The following CNTNAP2 variants were observed in gnomAD, a reference collection of about 807,000 sequenced individuals.
CNTNAP2 encodes contactin-associated protein-like 2.
CNTNAP2 carries 98 observed loss-of-function variants against 155.2 expected under a neutral mutation model. The observed-to-expected ratio is 0.63, with a 90% CI of 0.54 to 0.75. The LOEUF (loss-of-function observed/expected upper bound fraction) is 0.75, where lower values mean the gene tolerates loss of function less well. Among genes scored for constraint, CNTNAP2 ranks in the 30% least tolerant of loss-of-function variants. The pLI is 0.00. For missense variants in CNTNAP2, 1,727 were observed against 1,688.1 expected (o/e 1.02, Z -0.40); for synonymous variants, 651 against 631.2 (o/e 1.03, Z -0.47).
intron 8 of CNTNAP2, among the ~76,000 whole-genome samples, chr7:147,233,121 A>G (rs1487825483): frequency 6.6e-6 from 1 of 152,216 alleles, no homozygotes; most frequent in Non-Finnish European, 1.5e-5. Context: ...TTTAGTTAGC[A>G]TGGTGTCTTT....
intron 13 of CNTNAP2, among the ~76,000 whole-genome samples, chr7:147,871,791 T>C (rs559266596): frequency 6.6e-6 from 1 of 152,124 alleles, no homozygotes; most frequent in East Asian, 1.9e-4. Context: ...CGTGGCCGAA[T>C]AGTTCGGGAA....
intron 4 of CNTNAP2, chr7:147,083,260 G>GA (rs909867805): frequency 6.6e-6 from 1 of 151,952 alleles, no homozygotes; most frequent in African/African-American, 2.4e-5. Flanking sequence ...CAACAAAGAG[G>GA]AAATGGATGT....
At chr7:147,058,742 G>T (rs1368542391) in intron 4 of CNTNAP2, among the ~76,000 whole-genome samples, 6 of 152,170 alleles carry the variant, frequency 3.9e-5, no homozygotes, top group Admixed American at 3.9e-4. Context: ...AAGTAGCTGG[G>T]ACTACAGATG....
At chr7:147,364,559 A>G (rs1253502984) in intron 9 of CNTNAP2, among the ~76,000 whole-genome samples, 1 of 152,214 alleles carries the variant, frequency 6.6e-6, no homozygotes, top group Non-Finnish European at 1.5e-5. Context: ...ATGTTAATGG[A>G]AGACAAGGCT....
At chr7:147,629,194 G>C (rs1000011979) in intron 12 of CNTNAP2, among the ~76,000 whole-genome samples, 18 of 152,028 alleles carry the variant, frequency 1.2e-4, no homozygotes, top group Admixed American at 4.6e-4. Context: ...CTGAGGTTAG[G>C]AGTTCAAGAA....
chr7:148,366,825 CA>C (rs753228339), intron 21 of CNTNAP2, among the ~76,000 whole-genome samples: 189 of 146,056 alleles, frequency 1.3e-3, no homozygotes, highest in African/African-American at 4.0e-3. Context: ...AAAATGACCC[CA>C]AAAAAAAAAG....
At chr7:146,562,708 A>G (rs1798298526) in intron 1 of CNTNAP2, among the ~76,000 whole-genome samples, 1 of 152,196 alleles carries the variant, frequency 6.6e-6, no homozygotes, top group Non-Finnish European at 1.5e-5. Flanking sequence ...TTTTATGATA[A>G]TGAAACAAAA....
chr7:146,470,214 A>G (rs1311503422), intron 1 of CNTNAP2, among the ~76,000 whole-genome samples: 2 of 152,052 alleles, frequency 1.3e-5, no homozygotes, highest in African/African-American at 4.8e-5. Flanking sequence ...TGTAAACATC[A>G]TGTTTTATTT....
intron 1 of CNTNAP2, among the ~76,000 whole-genome samples, chr7:146,732,542 A>G (rs1196631031): frequency 2.6e-5 from 4 of 152,122 alleles, no homozygotes; most frequent in Non-Finnish European, 4.4e-5. Flanking sequence ...AAGAAGAGAG[A>G]TAACTTCAAT....
chr7:146,717,907 CG>C (rs1563201662), intron 1 of CNTNAP2, among the ~76,000 whole-genome samples: 3 of 151,452 alleles, frequency 2.0e-5, no homozygotes, highest in African/African-American at 7.3e-5. Context: ...CAAAGTCACA[CG>C]GATGACCAAT....
chr7:147,347,493 C>CAT (rs1311432350), intron 9 of CNTNAP2, among the ~76,000 whole-genome samples: 3 of 82,878 alleles, frequency 3.6e-5, no homozygotes, highest in South Asian at 4.0e-4. Flanking sequence ...TATATATATG[C>CAT]ATATATATGT....
chr7:147,613,917 G>A (rs1801235491), intron 12 of CNTNAP2, among the ~76,000 whole-genome samples: 1 of 152,142 alleles, frequency 6.6e-6, no homozygotes, highest in Non-Finnish European at 1.5e-5. Flanking sequence ...GTTTCATTAG[G>A]CCTTGAATCC....
At chr7:146,232,189 G>A (rs1314379523) in intron 1 of CNTNAP2, among the ~76,000 whole-genome samples, 1 of 151,898 alleles carries the variant, frequency 6.6e-6, no homozygotes, top group Admixed American at 6.6e-5. Flanking sequence ...CAGGGGCAAA[G>A]CTCAAAATAA....
intron 1 of CNTNAP2, among the ~76,000 whole-genome samples, chr7:146,766,679 TG>T (rs1351773306): frequency 3.3e-5 from 5 of 152,188 alleles, no homozygotes; most frequent in Non-Finnish European, 7.3e-5. Flanking sequence ...CTCAATGAGA[TG>T]ACCCACTCAA....
intron 13 of CNTNAP2, among the ~76,000 whole-genome samples, chr7:147,893,868 C>T (rs1016304932): frequency 6.6e-6 from 1 of 152,296 alleles, no homozygotes; most frequent in South Asian, 2.1e-4. Flanking sequence ...AGCCAGAGAA[C>T]TTTAGGACTA....
chr7:146,229,441 C>T (rs906645229), intron 1 of CNTNAP2, among the ~76,000 whole-genome samples: 8 of 152,204 alleles, frequency 5.3e-5, no homozygotes, highest in Admixed American at 2.0e-4. Flanking sequence ...TGTAATCTCT[C>T]TGCTCCAGGT....
chr7:146,463,506 G>A (rs1185887996), intron 1 of CNTNAP2, among the ~76,000 whole-genome samples: 1 of 151,826 alleles, frequency 6.6e-6, no homozygotes, highest in Admixed American at 6.6e-5. Flanking sequence ...TCTTAAATGT[G>A]ATTGTGACAA....
At chr7:147,541,736 G>A (rs979739646) in intron 11 of CNTNAP2, among the ~76,000 whole-genome samples, 1 of 152,150 alleles carries the variant, frequency 6.6e-6, no homozygotes, top group East Asian at 1.9e-4. Context: ...ATTTAAAAGA[G>A]CATTTTTAAC....
intron 13 of CNTNAP2, among the ~76,000 whole-genome samples, chr7:147,725,520 G>A (rs538706477): frequency 8.3e-4 from 127 of 152,150 alleles, no homozygotes; most frequent in African/African-American, 3.0e-3. Context: ...TTATTAGTGG[G>A]AAGCTCGCAA....
Sources: gnomAD v4.1 joint callset for allele counts (sites outside exome capture counted in the v4.1 genomes callset) on GRCh38, gnomAD v4.1.1 for gene constraint, MANE v1.5 for transcripts, NCBI Gene and HGNC (gene_info 2026-07-23, HGNC 2026-07-21) for gene names.